MIB1: variants seen among roughly 807,000 people sequenced by gnomAD.
MIB1 encodes the protein MIB E3 ubiquitin protein ligase 1, also known as E3 ubiquitin-protein ligase MIB1.
In MIB1, 278 loss-of-function variants were observed where a neutral mutation model predicts 124.5. That is an observed-to-expected ratio of 2.23 (90% CI 2.02 to 2.47). The LOEUF (loss-of-function observed/expected upper bound fraction) is 2.47, where lower values mean the gene tolerates loss of function less well. Among genes scored for constraint, MIB1 ranks in the 30% most tolerant of loss-of-function variants. The pLI is 0.00. For missense variants in MIB1, 957 were observed against 1,254.4 expected (o/e 0.76, Z 3.58); for synonymous variants, 446 against 429.4 (o/e 1.04, Z -0.48).
At chr18:21,779,403 T>C in intron 5 of MIB1, 78 bp from the exon 6 acceptor site, 1 of 1,119,960 alleles carries the variant, frequency 8.9e-7, no homozygotes, top group Non-Finnish European at 1.4e-6. Flanking sequence ...AATATCTACA[T>C]GTTATTTAAA....
At chr18:21,789,951 A>G (rs1375618587) in intron 6 of MIB1, among the ~76,000 whole-genome samples, 1 of 152,152 alleles carries the variant, frequency 6.6e-6, no homozygotes, top group African/African-American at 2.4e-5. Flanking sequence ...GAATTAGGGT[A>G]GGTGTTCTGT....
At chr18:21,839,059 T>G (rs994748562) in intron 13 of MIB1, among the ~76,000 whole-genome samples, 2 of 152,198 alleles carry the variant, frequency 1.3e-5, no homozygotes, top group African/African-American at 2.4e-5. Context: ...TTAGGATATT[T>G]TAGTAATTTC....
intron 1 of MIB1, among the ~76,000 whole-genome samples, chr18:21,757,853 A>T (rs1473487861): frequency 1.3e-5 from 2 of 152,094 alleles, no homozygotes; most frequent in Non-Finnish European, 2.9e-5. Context: ...AATAACTTAT[A>T]CTCTAAATCC....
At chr18:21,799,757 A>G (rs569249927) in intron 8 of MIB1, 84 bp from the exon 9 acceptor site, 2 of 1,271,936 alleles carry the variant, frequency 1.6e-6, no homozygotes, top group South Asian at 3.6e-5. Flanking sequence ...GGAAAAGATT[A>G]TAGAAATATT....
Position 21,844,097 on chromosome 18 carries a change from GGTCCGTGC to G in MIB1, c.2056_2063del (p.Val686ArgfsTer5). On this transcript the variant is annotated frameshift_variant, in exon 15 of 21. Transcript: ENST00000261537. LOFTEE classifies it high-confidence loss of function. Reference sequence around the variant, plus strand: ...GAGACATCTTTCTCTTTTAGCTTTTGGTCCGTGCAGGTGCCAAGCTTGATATTCAGGAT... The same window carrying G: ...GAGACATCTTTCTCTTTTAGCTTTTGAGGTGCCAAGCTTGATATTCAGGAT... 6.2e-7 allele frequency: 1 copy of G among 1,613,672 alleles called. No individual in the cohort carries two copies. The highest frequency in any genetic ancestry group is 8.5e-7 in the Non-Finnish European group (1 of 1,179,904).
intron 5 of MIB1, 118 bp downstream of exon 5, chr18:21,778,287 A>AT (rs2041316014): frequency 1.6e-6 from 1 of 637,064 alleles, no homozygotes; most frequent in East Asian, 3.0e-5. Context: ...TAGAGAAAAA[A>AT]TTTTTTGGCT....
chr18:21,745,591 T>C (rs760678347), intron 1 of MIB1, among the ~76,000 whole-genome samples: 2 of 151,998 alleles, frequency 1.3e-5, no homozygotes, highest in Non-Finnish European at 2.9e-5. Context: ...GAGAGCACGA[T>C]TGGTGGAAGT....
At chr18:21,768,449 C>T (rs2041188930) in intron 2 of MIB1, among the ~76,000 whole-genome samples, 174 bp from the exon 3 acceptor site, 1 of 152,180 alleles carries the variant, frequency 6.6e-6, no homozygotes, top group African/African-American at 2.4e-5. Context: ...CTGCCATCAT[C>T]ATCATCACCT....
At chr18:21,784,826 C>A (rs184900833) in intron 6 of MIB1, among the ~76,000 whole-genome samples, 86 of 152,084 alleles carry the variant, frequency 5.7e-4, no homozygotes, top group Non-Finnish European at 1.0e-3. Flanking sequence ...TCTCCCTTTC[C>A]CCGGAGGAGT....
chr18:21,814,774 G>A (rs1167598289), intron 10 of MIB1, among the ~76,000 whole-genome samples: 1 of 151,090 alleles, frequency 6.6e-6, no homozygotes, highest in Non-Finnish European at 1.5e-5. Flanking sequence ...GGTTTTCTCC[G>A]TGTTGGCCAG....
rs1266168096 is a variant in MIB1 at position 21,815,054 on chromosome 18, TATAA to T, written c.1480-560_1480-557del. Among the ~76,000 whole-genome samples, 10 of 112,606 alleles carry T rather than the reference TATAA, an allele frequency of 8.9e-5. No homozygotes were observed. The South Asian group carries it at 1.4e-3, about 16-fold the overall frequency. The allele number at this position is 112,606 out of a possible 152,430, so 73.9% of individuals were successfully genotyped here. A position where few individuals can be genotyped will look rare whatever the true frequency, so the allele number is the denominator to read the frequency against. On this transcript the variant is annotated intron_variant, in intron 10 of 20. Transcript: ENST00000261537. ...ATATATATATATATATATATATATA[TATAA>T]AATTATATATAAATGTATATATATA...
intron 6 of MIB1, 95 bp downstream of exon 6, chr18:21,779,780 C>A: frequency 1.0e-6 from 1 of 952,584 alleles, no homozygotes; most frequent in Non-Finnish European, 1.6e-6. Context: ...ACCAAATACT[C>A]ATTAAAGCTA....
chr18:21,752,300 A>G (rs1246654082), intron 1 of MIB1, among the ~76,000 whole-genome samples: 1 of 152,176 alleles, frequency 6.6e-6, no homozygotes, highest in Non-Finnish European at 1.5e-5. Flanking sequence ...TAGTATTCAA[A>G]TTACTGAAAT....
At chr18:21,786,501 G>T in intron 6 of MIB1, among the ~76,000 whole-genome samples, 1 of 151,898 alleles carries the variant, frequency 6.6e-6, no homozygotes, top group South Asian at 2.1e-4. Flanking sequence ...CTCTAGATTT[G>T]GAAAGTTTTC....
intron 12 of MIB1, among the ~76,000 whole-genome samples, chr18:21,836,599 T>G (rs559881477): frequency 7.4e-4 from 113 of 152,340 alleles, no homozygotes; most frequent in Non-Finnish European, 1.4e-3. Flanking sequence ...GATTTAAAAC[T>G]AATACCCTCT....
In MIB1 at chr18:21,838,389, A is replaced by T. The variant is rs146886099; in HGVS notation, c.1854A>T (p.Lys618Asn). 6.2e-7 allele frequency: 1 copy of T among 1,602,302 alleles called. No individual in the cohort carries two copies. Among genetic ancestry groups the T allele is most frequent in the Non-Finnish European group, 8.5e-7 (1 of 1,173,620 alleles). ...GTGCAATGCGTGTTTTACTATCTAA[A>T]TTACCAAGACCATGGATTGTGGATG... ...NPSAMRVLLS[K>N]LPRPWIVDEK... Residue 618 changes from lysine (K) to asparagine (N), a missense_variant, in exon 13 of 21, where the codon AAA becomes AAT. Coordinates refer to ENST00000261537, the MANE Select transcript of MIB1 (RefSeq NM_020774.4).
rs1376338239 is a variant in MIB1 at position 21,768,754 on chromosome 18, T to C, written c.531+2T>C. The C allele has an allele frequency of 3.7e-6, 6 of 1,608,064 alleles. No homozygotes were observed. The highest frequency in any genetic ancestry group is 1.7e-5 in the Admixed American group (1 of 59,638). ...GGAGGAAATGGACGTAGGGGAAAGG[T>C]ACAGTGTTTCTCTGAATTCATTATG... On this transcript the variant is annotated splice_donor_variant, in intron 3 of 20. Coordinates refer to ENST00000261537, the MANE Select transcript of MIB1 (RefSeq NM_020774.4). LOFTEE classifies it high-confidence loss of function.
Position 21,740,872 on chromosome 18 carries a change from C to A in MIB1, c.-712C>A, listed in dbSNP as rs1196874132. ...TCGCGCGGCTCTCTGGAAGCCTTCC[C>A]ACTCTATTATTGCCGAGGATCCCCC... On this transcript the variant is annotated 5_prime_UTR_variant, in exon 1 of 21. Coordinates refer to ENST00000261537, the MANE Select transcript of MIB1 (RefSeq NM_020774.4). Among the ~76,000 whole-genome samples, 2 of 152,254 alleles carry A rather than the reference C, an allele frequency of 1.3e-5. No homozygotes were observed. Among genetic ancestry groups the A allele is most frequent in the Admixed American group, 6.5e-5 (1 of 15,292 alleles).
intron 1 of MIB1, among the ~76,000 whole-genome samples, chr18:21,716,405 GA>G (rs1437505787): frequency 1.3e-5 from 2 of 152,028 alleles, no homozygotes; most frequent in Non-Finnish European, 2.9e-5. Flanking sequence ...CATCAAAACA[GA>G]ACCTCTTTAA....
Sources: allele counts gnomAD v4.1 joint callset (sites outside exome capture counted in the v4.1 genomes callset), GRCh38; gene constraint gnomAD v4.1.1; transcripts MANE v1.5; gene names NCBI Gene and HGNC (gene_info 2026-07-23, HGNC 2026-07-21).